LYG2: variants seen among roughly 807,000 people sequenced by gnomAD.
LYG2 encodes the protein lysozyme g-like protein 2.
Under a neutral mutation model 22.4 loss-of-function variants are expected in LYG2, and 25 were observed. The observed-to-expected ratio is 1.12, with a 90% confidence interval of 0.81 to 1.56. The LOEUF is 1.56. Ranked by LOEUF, LYG2 falls within the 40% of genes most tolerant of loss-of-function variation. The pLI, the probability that LYG2 is intolerant of heterozygous loss-of-function variation, is 0.00. For synonymous variants in LYG2, 88 were observed against 97.0 expected (o/e 0.91, Z 0.55); for missense variants, 266 against 269.5 (o/e 0.99, Z 0.09).
upstream of LYG2, among the ~76,000 whole-genome samples, chr2:99,259,978 T>C (rs2094044246): frequency 7.7e-6 from 1 of 130,548 alleles, no homozygotes. Context: ...TTTTTTTTTT[T>C]TGATGGAGAC....
chr2:99,254,106 T>G, intron 3 of LYG2, 112 bp downstream of exon 3: 2 of 941,818 alleles, frequency 2.1e-6, no homozygotes, highest in Non-Finnish European at 3.5e-6. Context: ...CTGGTCAGAA[T>G]GAGAGCCCAC....
intron 3 of LYG2, 149 bp downstream of exon 3, chr2:99,254,069 A>G: frequency 1.4e-6 from 1 of 725,810 alleles, no homozygotes. Context: ...TGTTAATTAT[A>G]GAAATAATAG....
At position 99,242,346 on chromosome 2, in the gene LYG2, C is replaced by T; in HGVS notation, c.*18G>A. 6.5e-7 allele frequency: 1 copy of T among 1,548,042 alleles called. No homozygotes were observed. Among genetic ancestry groups the T allele is most frequent in the Non-Finnish European group, 8.9e-7 (1 of 1,125,386 alleles). On this transcript the variant is annotated 3_prime_UTR_variant, in exon 7 of 7. Transcript: ENST00000333017. ...CATCTGAGCACTCTGCCAACCTGGCCCACCCACAGAGCTTTGCCTAGAAGC... is the reference window on the plus strand; with the variant it reads ...CATCTGAGCACTCTGCCAACCTGGCTCACCCACAGAGCTTTGCCTAGAAGC...
chr2:99,243,926 G>A (rs748810577), intron 6 of LYG2, 73 bp downstream of exon 6: 1 of 1,574,586 alleles, frequency 6.4e-7, no homozygotes. Flanking sequence ...CTCCCAGGGA[G>A]TCTCGGGTCA....
At chr2:99,248,800 T>C (rs925581278) in intron 3 of LYG2, among the ~76,000 whole-genome samples, 1 of 151,150 alleles carries the variant, frequency 6.6e-6, no homozygotes, top group African/African-American at 2.4e-5. Context: ...CAATTTGCCT[T>C]TGTTTAGAAA....
upstream of LYG2, among the ~76,000 whole-genome samples, chr2:99,257,532 A>G (rs2094038504): frequency 6.6e-6 from 1 of 152,216 alleles, no homozygotes; most frequent in Non-Finnish European, 1.5e-5. Context: ...ACCAAGAATG[A>G]CTACATGTAA....
At chr2:99,243,317 C>A in intron 6 of LYG2, 1 of 906,278 alleles carries the variant, frequency 1.1e-6, no homozygotes, top group Non-Finnish European at 1.7e-6. Context: ...TGAGTTAATT[C>A]CATCTGGGAG....
At chr2:99,254,561 T>A (rs985346002) in intron 2 of LYG2, among the ~76,000 whole-genome samples, 1 of 152,080 alleles carries the variant, frequency 6.6e-6, no homozygotes, top group African/African-American at 2.4e-5. Context: ...ATCCCACCTC[T>A]AAGCTTGGTA....
At chr2:99,243,489 A>G (rs865820277) in intron 6 of LYG2, 240 of 1,327,604 alleles carry the variant, frequency 1.8e-4, no homozygotes, top group Admixed American at 3.5e-4. Context: ...GAGGTAGGCA[A>G]ACAGATAGAT....
intron 4 of LYG2, among the ~76,000 whole-genome samples, chr2:99,246,113 C>CA (rs2094015689): frequency 6.6e-6 from 1 of 152,058 alleles, no homozygotes; most frequent in African/African-American, 2.4e-5. Context: ...GTCATACACA[C>CA]AAAAAAAATT....
At chr2:99,260,471 C>T (rs933244055), upstream of LYG2, among the ~76,000 whole-genome samples, 6 of 152,202 alleles carry the variant, frequency 3.9e-5, no homozygotes, top group Admixed American at 6.6e-5. Flanking sequence ...TCCCCTCCCT[C>T]TTCTCTCCTG....
At chr2:99,254,325 C>A in intron 2 of LYG2, 40 bp from the exon 3 acceptor site, 3 of 1,514,706 alleles carry the variant, frequency 2.0e-6, no homozygotes, top group Non-Finnish European at 2.7e-6. Flanking sequence ...ATTTTAAAAC[C>A]TGAAAATTTC....
intron 6 of LYG2, 179 bp downstream of exon 6, chr2:99,243,820 G>A (rs1191442130): frequency 1.5e-6 from 1 of 663,684 alleles, no homozygotes; most frequent in South Asian, 2.0e-5. Flanking sequence ...GGAGGTTGAG[G>A]ATGGAGGACC....
At chr2:99,253,540 A>T (rs2094030931) in intron 3 of LYG2, among the ~76,000 whole-genome samples, 1 of 152,178 alleles carries the variant, frequency 6.6e-6, no homozygotes, top group African/African-American at 2.4e-5. Flanking sequence ...CATTTTGCTT[A>T]GGTCAGAGTT....
rs2094032207 is a variant in LYG2, at chr2:99,254,301, A to G, written c.-25-16T>C. On this transcript the variant is annotated splice_polypyrimidine_tract_variant and intron_variant, in intron 2 of 6. Coordinates refer to ENST00000333017, the MANE Select transcript of LYG2 (RefSeq NM_175735.4). ...CTTCCAGGACCTGCTCTGATTTGAA[A>G]TAGAAACTGGTTAATTTTAAAACCT... 1 of 1,590,448 alleles carries G rather than the reference A, an allele frequency of 6.3e-7. No individual in the cohort carries two copies.
chr2:99,254,409 A>G lies in LYG2; in HGVS notation c.-25-124T>C. 4.3e-6 allele frequency: 3 copies of G among 698,958 alleles called. No homozygotes were observed. The South Asian group carries it at 5.4e-5, about 13-fold the overall frequency. The allele number at this position is 698,958 out of a possible 1,614,324, so 43.3% of individuals were successfully genotyped here. A position where few individuals can be genotyped will look rare whatever the true frequency, so the allele number is the denominator to read the frequency against. ...AATTCACTACTCATTTCCCTGTTTC[A>G]AGATAGTATTCTCACAGGCTCAGTA... On this transcript the variant is annotated intron_variant, in intron 2 of 6. Coordinates refer to ENST00000333017, the MANE Select transcript of LYG2 (RefSeq NM_175735.4).
At chr2:99,246,270 G>A in intron 4 of LYG2, among the ~76,000 whole-genome samples, 1 of 152,152 alleles carries the variant, frequency 6.6e-6, no homozygotes, top group East Asian at 1.9e-4. Context: ...TAAATTTGAG[G>A]GGTTGGGGTC....
At chr2:99,258,534 G>A (rs2094040587), upstream of LYG2, among the ~76,000 whole-genome samples, 1 of 152,192 alleles carries the variant, frequency 6.6e-6, no homozygotes, top group Admixed American at 6.5e-5. Flanking sequence ...TCATTGTCAG[G>A]ACTCTGTAGC....
At chr2:99,259,687 G>A (rs2105278291), upstream of LYG2, among the ~76,000 whole-genome samples, 1 of 152,236 alleles carries the variant, frequency 6.6e-6, no homozygotes, top group Non-Finnish European at 1.5e-5. Context: ...CATAACTATA[G>A]TACATGTCAA....
Sources: gnomAD v4.1 joint callset for allele counts (sites outside exome capture counted in the v4.1 genomes callset) on GRCh38, gnomAD v4.1.1 for gene constraint, MANE v1.5 for transcripts, NCBI Gene and HGNC (gene_info 2026-07-23, HGNC 2026-07-21) for gene names.